The following PAK5 variants were observed in gnomAD, a reference collection of about 807,000 sequenced individuals.
PAK5 encodes serine/threonine-protein kinase PAK 5.
In PAK5, 16 loss-of-function variants were observed where a neutral mutation model predicts 65.9. That is an observed-to-expected ratio of 0.24 (90% confidence interval 0.16 to 0.37). PAK5 has a LOEUF of 0.37. PAK5 is among the 10% of genes least tolerant of loss of function. The pLI, the probability that PAK5 is intolerant of heterozygous loss-of-function variation, is 1.00. For synonymous variants in PAK5, 371 were observed against 354.9 expected, an observed-to-expected ratio of 1.05 and a Z score of -0.51; for missense variants, 785 against 903.9, an observed-to-expected ratio of 0.87 and a Z score of 1.69.
intron 3 of PAK5, among the ~76,000 whole-genome samples, chr20:9,640,835 T>C (rs2047048070): frequency 6.6e-6 from 1 of 152,082 alleles, no homozygotes; most frequent in African/African-American, 2.4e-5. Context: ...CTCGCTGGGC[T>C]CAGGAGTGAA....
At chr20:9,828,551 A>G (rs1426295416) in intron 1 of PAK5, among the ~76,000 whole-genome samples, 3 of 152,224 alleles carry the variant, frequency 2.0e-5, no homozygotes, top group Non-Finnish European at 4.4e-5. Context: ...ATTCTTCCAG[A>G]AAGTTCACTT....
chr20:9,700,747 G>C (rs1280920135), intron 2 of PAK5, among the ~76,000 whole-genome samples: 2 of 152,126 alleles, frequency 1.3e-5, no homozygotes, highest in Non-Finnish European at 2.9e-5. Context: ...TGCCAGTGCA[G>C]ATAGGATTTG....
chr20:9,815,206 C>T (rs2049342989), intron 1 of PAK5, among the ~76,000 whole-genome samples: 1 of 152,184 alleles, frequency 6.6e-6, no homozygotes, highest in Non-Finnish European at 1.5e-5. Context: ...ACCAGGCCCA[C>T]CTCCAACACT....
chr20:9,607,919 T>C (rs1050951201), intron 3 of PAK5, among the ~76,000 whole-genome samples: 6 of 152,206 alleles, frequency 3.9e-5, no homozygotes, highest in South Asian at 4.1e-4. Context: ...TAACAGAATG[T>C]CACAGACTGA....
At chr20:9,769,516 A>G (rs2048809911) in intron 1 of PAK5, among the ~76,000 whole-genome samples, 1 of 152,242 alleles carries the variant, frequency 6.6e-6, no homozygotes, top group African/African-American at 2.4e-5. Flanking sequence ...TCATGTGGCT[A>G]TCACTTTCCC....
chr20:9,615,407 G>A (rs2046637135), intron 3 of PAK5, among the ~76,000 whole-genome samples: 1 of 152,160 alleles, frequency 6.6e-6, no homozygotes, highest in African/African-American at 2.4e-5. Context: ...GGGGGAGGCT[G>A]TGCATGTGTA....
At chr20:9,540,650 G>A (rs1019453101) in intron 9 of PAK5, among the ~76,000 whole-genome samples, 2 of 152,082 alleles carry the variant, frequency 1.3e-5, no homozygotes, top group Non-Finnish European at 2.9e-5. Context: ...GAAACCATTA[G>A]GATTAAAGTT....
intron 1 of PAK5, among the ~76,000 whole-genome samples, chr20:9,723,371 T>TAGG (rs1303353132): frequency 1.3e-5 from 2 of 152,132 alleles, no homozygotes; most frequent in African/African-American, 4.8e-5. Flanking sequence ...TCAAGATGGA[T>TAGG]AGGAGTTCTA....
intron 5 of PAK5, among the ~76,000 whole-genome samples, chr20:9,565,226 A>C (rs560647661): frequency 1.3e-5 from 2 of 152,256 alleles, no homozygotes; most frequent in Admixed American, 1.3e-4. Context: ...TATCTCAAAC[A>C]AAAGAAATTT....
At chr20:9,790,869 G>C (rs1415018750) in intron 1 of PAK5, among the ~76,000 whole-genome samples, 1 of 151,886 alleles carries the variant, frequency 6.6e-6, no homozygotes, top group Non-Finnish European at 1.5e-5. Flanking sequence ...GGCATTTGTG[G>C]AGATATCTCA....
intron 1 of PAK5, among the ~76,000 whole-genome samples, chr20:9,790,799 G>A (rs2049042548): frequency 6.6e-6 from 1 of 152,070 alleles, no homozygotes; most frequent in Non-Finnish European, 1.5e-5. Context: ...GCACCCAGTT[G>A]AATTTGGTTA....
At chr20:9,797,433 G>A (rs192822664) in intron 1 of PAK5, among the ~76,000 whole-genome samples, 12 of 149,624 alleles carry the variant, frequency 8.0e-5, no homozygotes, top group South Asian at 2.1e-4. Context: ...ATTCATAGGC[G>A]GGAATTGAAC....
In PAK5 at chr20:9,618,915, G is replaced by GTTTTTTTTTTTTT. The variant is rs150725498; in HGVS notation, c.204+25197_204+25209dup. Among the ~76,000 whole-genome samples, 10 of 18,838 alleles carry GTTTTTTTTTTTTT rather than the reference G, an allele frequency of 5.3e-4. 4 individuals carry two copies. The highest frequency in any genetic ancestry group is 7.2e-4 in the Non-Finnish European group (8 of 11,140). 12.4% of individuals were successfully genotyped at this position (18,838 alleles called of 152,430 possible). A position where few individuals can be genotyped will look rare whatever the true frequency, so the allele number is the denominator to read the frequency against. On this transcript the variant is annotated intron_variant, in intron 3 of 9. Transcript: ENST00000353224. ...AGATTCTTTTCTCTCTCTTTCTTTC[G>GTTTTTTTTTTTTT]TTTTTTTTTTTTTTTTTTTTTTTTT... is the stretch of plus-strand genomic sequence containing the variant.
chr20:9,756,351 A>G (rs1213888060), intron 1 of PAK5, among the ~76,000 whole-genome samples: 2 of 152,086 alleles, frequency 1.3e-5, no homozygotes, highest in Admixed American at 6.6e-5. Flanking sequence ...CATTGGGTGG[A>G]GCTGGCCTTC....
intron 2 of PAK5, among the ~76,000 whole-genome samples, chr20:9,695,033 A>G (rs1386539948): frequency 6.6e-6 from 1 of 151,976 alleles, no homozygotes; most frequent in Non-Finnish European, 1.5e-5. Flanking sequence ...GTTGCTCCAC[A>G]TCCTTATTCA....
chr20:9,541,758 T>G (rs957287761), intron 9 of PAK5, among the ~76,000 whole-genome samples: 1 of 152,188 alleles, frequency 6.6e-6, no homozygotes, highest in African/African-American at 2.4e-5. Context: ...AATCCTCACA[T>G]GTCAAGGGAG....
chr20:9,639,209 C>A (rs2047019802), intron 3 of PAK5, among the ~76,000 whole-genome samples: 1 of 152,082 alleles, frequency 6.6e-6, no homozygotes, highest in South Asian at 2.1e-4. Flanking sequence ...TGGGATCATA[C>A]AAACTATATA....
At chr20:9,696,410 T>C (rs1220257091) in intron 2 of PAK5, among the ~76,000 whole-genome samples, 1 of 152,130 alleles carries the variant, frequency 6.6e-6, no homozygotes, top group Non-Finnish European at 1.5e-5. Context: ...TTTTGTTTTA[T>C]ACAGTGACAT....
intron 3 of PAK5, among the ~76,000 whole-genome samples, chr20:9,606,841 A>C (rs1203564459): frequency 1.3e-5 from 2 of 152,164 alleles, no homozygotes; most frequent in Non-Finnish European, 2.9e-5. Flanking sequence ...ACTTAAAAAC[A>C]TAGGGGTGAG....
Sources: allele counts gnomAD v4.1 joint callset (sites outside exome capture counted in the v4.1 genomes callset), GRCh38; gene constraint gnomAD v4.1.1; transcripts MANE v1.5; gene names NCBI Gene and HGNC (gene_info 2026-07-23, HGNC 2026-07-21).